FGGY: variants seen among roughly 807,000 people sequenced by gnomAD.
FGGY encodes the protein FGGY carbohydrate kinase domain-containing protein.
A neutral mutation model predicts 71.3 loss-of-function variants in FGGY; 72 were observed. The ratio of observed to expected loss-of-function variants is 1.01; its 90% CI spans 0.84 to 1.23. The LOEUF is 1.23. Among genes scored for constraint, FGGY ranks in the 50% most tolerant of loss-of-function variants. The pLI, the probability that FGGY is intolerant of heterozygous loss-of-function variation, is 0.00. For missense variants in FGGY, 668 were observed against 682.3 expected (o/e 0.98, Z 0.23); for synonymous variants, 251 against 250.3 (o/e 1.00, Z -0.02).
chr1:59,455,717 A>G (rs148683543), intron 5 of FGGY, among the ~76,000 whole-genome samples: 88 of 152,342 alleles, frequency 5.8e-4, no homozygotes, highest in Middle Eastern at 3.4e-3. Flanking sequence ...GATAAGGGCT[A>G]TGGTAGAAGA....
intron 14 of FGGY, among the ~76,000 whole-genome samples, chr1:59,733,683 C>T (rs1295634477): frequency 2.6e-5 from 4 of 152,166 alleles, no homozygotes; most frequent in Admixed American, 6.5e-5. Context: ...CAGAACAAGG[C>T]AAGGCTGAGG....
intron 5 of FGGY, among the ~76,000 whole-genome samples, chr1:59,428,775 C>T (rs2066827896): frequency 6.6e-6 from 1 of 152,154 alleles, no homozygotes; most frequent in African/African-American, 2.4e-5. Flanking sequence ...CTGAGGACTG[C>T]CCACCTCCGA....
At chr1:59,580,740 A>G (rs1227848963) in intron 8 of FGGY, among the ~76,000 whole-genome samples, 1 of 152,134 alleles carries the variant, frequency 6.6e-6, no homozygotes, top group Non-Finnish European at 1.5e-5. Context: ...ATTCTACCGC[A>G]TGTATTTTCA....
chr1:59,359,270 A>G (rs1557663084), intron 4 of FGGY, among the ~76,000 whole-genome samples: 1 of 152,242 alleles, frequency 6.6e-6, no homozygotes, highest in Non-Finnish European at 1.5e-5. Context: ...AAAATCCCAG[A>G]TAACACATTT....
At chr1:59,376,987 C>A (rs142076834) in intron 4 of FGGY, among the ~76,000 whole-genome samples, 2 of 152,252 alleles carry the variant, frequency 1.3e-5, no homozygotes, top group Admixed American at 1.3e-4. Context: ...TGAAATGGTT[C>A]CATTTGGGTC....
chr1:59,722,007 T>C (rs2097901128), intron 14 of FGGY, among the ~76,000 whole-genome samples: 1 of 152,240 alleles, frequency 6.6e-6, no homozygotes. Context: ...CCTTAGATTT[T>C]ACCTAACATC....
At chr1:59,324,565 C>T (rs1353018548) in intron 2 of FGGY, among the ~76,000 whole-genome samples, 5 of 152,012 alleles carry the variant, frequency 3.3e-5, no homozygotes, top group African/African-American at 1.2e-4. Flanking sequence ...CGTGAGCCAC[C>T]GCGCCCGGCC....
intron 11 of FGGY, among the ~76,000 whole-genome samples, chr1:59,657,669 C>T (rs947931719): frequency 1.3e-5 from 2 of 152,208 alleles, no homozygotes; most frequent in Non-Finnish European, 2.9e-5. Context: ...GGGGCTATGA[C>T]CAGGCTGAAA....
chr1:59,734,532 T>C (rs1305348549), intron 14 of FGGY, among the ~76,000 whole-genome samples: 1 of 152,230 alleles, frequency 6.6e-6, no homozygotes, highest in South Asian at 2.1e-4. Flanking sequence ...TCTCCTCTGC[T>C]AGACACATGC....
chr1:59,529,340 T>C (rs140437132), intron 7 of FGGY, among the ~76,000 whole-genome samples: 45 of 152,288 alleles, frequency 3.0e-4, no homozygotes, highest in African/African-American at 1.1e-3. Flanking sequence ...TGTATAATCT[T>C]CACATTGACT....
At chr1:59,385,554 G>A (rs759946358) in intron 5 of FGGY, among the ~76,000 whole-genome samples, 10 of 152,116 alleles carry the variant, frequency 6.6e-5, no homozygotes, top group Admixed American at 1.3e-4. Flanking sequence ...GTGGGTTACT[G>A]TCTACAATTT....
intron 14 of FGGY, among the ~76,000 whole-genome samples, chr1:59,750,067 A>T (rs116232469): frequency 0.018 from 2,763 of 152,316 alleles, 34 homozygotes; most frequent in Non-Finnish European, 0.026. Flanking sequence ...CACTGAGTAG[A>T]TATTATTATT....
chr1:59,702,270 A>T (rs2097716386), intron 14 of FGGY, among the ~76,000 whole-genome samples: 3 of 152,204 alleles, frequency 2.0e-5, no homozygotes. Flanking sequence ...CAGAGGTATA[A>T]AGCCAAAAGG....
intron 8 of FGGY, among the ~76,000 whole-genome samples, chr1:59,560,989 C>T (rs960886000): frequency 2.0e-4 from 30 of 152,280 alleles, no homozygotes; most frequent in African/African-American, 7.2e-4. Flanking sequence ...AGCCTCACAG[C>T]TGACTTCCCC....
chr1:59,591,692 G>A (rs536167459), intron 8 of FGGY, among the ~76,000 whole-genome samples: 1 of 152,244 alleles, frequency 6.6e-6, no homozygotes, highest in South Asian at 2.1e-4. Context: ...ATGGGGAAAG[G>A]ATTCCCTATT....
chr1:59,465,191 T>C (rs2092539723), intron 6 of FGGY, among the ~76,000 whole-genome samples: 1 of 152,206 alleles, frequency 6.6e-6, no homozygotes, highest in Admixed American at 6.5e-5. Context: ...ACCCCTGGGA[T>C]GTAAGGCGGT....
At chr1:59,303,370 G>C (rs1210194128) in intron 1 of FGGY, among the ~76,000 whole-genome samples, 1 of 151,978 alleles carries the variant, frequency 6.6e-6, no homozygotes, top group Non-Finnish European at 1.5e-5. Context: ...TTGTCTTTCT[G>C]TTTTTGGCTT....
At chr1:59,753,236 T>A (rs554969565) in intron 14 of FGGY, among the ~76,000 whole-genome samples, 1 of 152,152 alleles carries the variant, frequency 6.6e-6, no homozygotes, top group African/African-American at 2.4e-5. Flanking sequence ...AAATTCATAT[T>A]GTTATGTTGT....
intron 8 of FGGY, among the ~76,000 whole-genome samples, chr1:59,596,284 T>C (rs1050264530): frequency 4.0e-5 from 6 of 151,300 alleles, no homozygotes; most frequent in Non-Finnish European, 7.4e-5. Flanking sequence ...AATGTGTGAT[T>C]TTTTTTTTCT....
Sources: allele counts gnomAD v4.1 joint callset (sites outside exome capture counted in the v4.1 genomes callset), GRCh38; gene constraint gnomAD v4.1.1; transcripts MANE v1.5; gene names NCBI Gene and HGNC (gene_info 2026-07-23, HGNC 2026-07-21).